IMMP2L: variants seen among roughly 807,000 people sequenced by gnomAD.
The protein encoded by IMMP2L is mitochondrial inner membrane protease subunit 2.
A neutral mutation model predicts 19.3 loss-of-function variants in IMMP2L; 18 were observed. The observed-to-expected ratio is 0.93, with a 90% CI of 0.64 to 1.38. IMMP2L has a LOEUF of 1.38. Among genes scored for constraint, IMMP2L ranks in the 40% most tolerant of loss-of-function variants. IMMP2L has a pLI of 0.00. For missense variants in IMMP2L, 233 were observed against 218.2 expected (o/e 1.07, Z -0.43); for synonymous variants, 76 against 73.0 (o/e 1.04, Z -0.21).
intron 3 of IMMP2L, among the ~76,000 whole-genome samples, chr7:111,116,762 G>A (rs1004920075): frequency 5.9e-5 from 9 of 152,062 alleles, no homozygotes; most frequent in African/African-American, 2.2e-4. Context: ...TATTATCAAA[G>A]GAAGAGAAAC....
chr7:111,352,391 T>C (rs1159976626), intron 3 of IMMP2L, among the ~76,000 whole-genome samples: 1 of 145,414 alleles, frequency 6.9e-6, no homozygotes, highest in African/African-American at 2.6e-5. Flanking sequence ...TTTTTTTTGA[T>C]AGAGATGGGG....
chr7:110,746,969 GT>G (rs1797389251), intron 5 of IMMP2L, among the ~76,000 whole-genome samples: 2 of 152,072 alleles, frequency 1.3e-5, no homozygotes, highest in Admixed American at 1.3e-4. Context: ...CCAGGAGGTA[GT>G]TTTTTGAAAA....
At chr7:110,679,189 C>T (rs1262410478) in intron 5 of IMMP2L, among the ~76,000 whole-genome samples, 1 of 152,082 alleles carries the variant, frequency 6.6e-6, no homozygotes, top group Non-Finnish European at 1.5e-5. Flanking sequence ...GTATCTCCAG[C>T]TAATTTTCAT....
chr7:111,209,631 A>G (rs112861774), intron 3 of IMMP2L, among the ~76,000 whole-genome samples: 2,502 of 152,250 alleles, frequency 0.016, 28 homozygotes, highest in South Asian at 0.044. Context: ...CTCCTATAAT[A>G]ATCAGCCTGT....
chr7:111,504,416 A>C (rs1174711500), intron 2 of IMMP2L, among the ~76,000 whole-genome samples: 2 of 151,632 alleles, frequency 1.3e-5, no homozygotes. Context: ...TTATAGATTC[A>C]ATGCCATCCC....
Position 110,702,528 on chromosome 7 carries a change from A to T in IMMP2L, c.409-38807T>A, listed in dbSNP as rs79529702. On this transcript the variant is annotated intron_variant, in intron 5 of 5. Transcript: ENST00000405709. ...AATCATGGATAACTGACATCTTAAC[A>T]ATATGGAGCTTTGCTATCCAAGAAC... Among the ~76,000 whole-genome samples the T allele has an allele frequency of 1.3e-3, 197 of 152,302 alleles. 5 individuals carry two copies. In the East Asian group the frequency reaches 0.03, roughly 23 times the overall value.
intron 3 of IMMP2L, among the ~76,000 whole-genome samples, chr7:111,249,519 C>A (rs1262512414): frequency 6.6e-6 from 1 of 152,004 alleles, no homozygotes; most frequent in African/African-American, 2.4e-5. Context: ...CGGAGCTGTT[C>A]CTATTCGGCC....
intron 1 of IMMP2L, among the ~76,000 whole-genome samples, chr7:111,555,596 T>A (rs1563353458): frequency 6.6e-6 from 1 of 152,160 alleles, no homozygotes; most frequent in Non-Finnish European, 1.5e-5. Flanking sequence ...TGATATGATT[T>A]CACTATGTAT....
At chr7:111,460,376 G>C (rs545062747) in intron 3 of IMMP2L, among the ~76,000 whole-genome samples, 32 of 152,184 alleles carry the variant, frequency 2.1e-4, no homozygotes, top group Middle Eastern at 3.4e-3. Flanking sequence ...AAAGAAAATA[G>C]AGGAAGACAA....
At chr7:111,154,884 A>C (rs1197705876) in intron 3 of IMMP2L, among the ~76,000 whole-genome samples, 1 of 151,976 alleles carries the variant, frequency 6.6e-6, no homozygotes, top group African/African-American at 2.4e-5. Context: ...CAGCCTCCCA[A>C]CTAGCTGGGA....
chr7:111,181,323 A>G (rs1187213870), intron 3 of IMMP2L, among the ~76,000 whole-genome samples: 1 of 152,046 alleles, frequency 6.6e-6, no homozygotes, highest in African/African-American at 2.4e-5. Context: ...CACGCTTCTA[A>G]TGAATAATCC....
intron 3 of IMMP2L, among the ~76,000 whole-genome samples, chr7:111,328,531 T>TA (rs1825556300): frequency 6.6e-6 from 1 of 151,838 alleles, no homozygotes; most frequent in Non-Finnish European, 1.5e-5. Flanking sequence ...ATGGCAATTA[T>TA]AAAAAGTAAG....
At chr7:111,136,392 A>G (rs1214470435) in intron 3 of IMMP2L, among the ~76,000 whole-genome samples, 1 of 152,020 alleles carries the variant, frequency 6.6e-6, no homozygotes, top group Non-Finnish European at 1.5e-5. Context: ...AGCCTGAGAT[A>G]TTTGTTTCTT....
At chr7:110,936,153 A>G (rs1009950160) in intron 4 of IMMP2L, among the ~76,000 whole-genome samples, 1 of 152,190 alleles carries the variant, frequency 6.6e-6, no homozygotes, top group African/African-American at 2.4e-5. Flanking sequence ...AGACTTCATG[A>G]CTAAAACACC....
At chr7:111,192,708 A>G (rs1329010049) in intron 3 of IMMP2L, among the ~76,000 whole-genome samples, 1 of 152,098 alleles carries the variant, frequency 6.6e-6, no homozygotes, top group Non-Finnish European at 1.5e-5. Context: ...TGGGCATCAC[A>G]TGGCAGGTTA....
chr7:110,842,143 A>G (rs1205654574), intron 5 of IMMP2L, among the ~76,000 whole-genome samples: 1 of 152,196 alleles, frequency 6.6e-6, no homozygotes. Context: ...TGGACTCAGT[A>G]GCTTCTCCAA....
At chr7:111,328,214 A>G (rs1476189393) in intron 3 of IMMP2L, among the ~76,000 whole-genome samples, 3 of 151,750 alleles carry the variant, frequency 2.0e-5, no homozygotes, top group Non-Finnish European at 4.4e-5. Flanking sequence ...AACTGTCAAT[A>G]CAGCTGGGGT....
In IMMP2L at chr7:110,963,567, T is replaced by C. The variant is rs1489278417; in HGVS notation, c.240-2A>G. 5 of 1,566,078 alleles carry C rather than the reference T, an allele frequency of 3.2e-6. No individual in the cohort carries two copies. In the South Asian group the frequency reaches 3.4e-5, roughly 11 times the overall value. The stretch of plus-strand genomic sequence containing the variant: ...TTCTGTTCTGGGTTTTTAGGAGACC[T>C]AGAACAAGAAGATAACATTATACAA... On this transcript the variant is annotated splice_acceptor_variant, in intron 3 of 5. Coordinates refer to ENST00000405709, the MANE Select transcript of IMMP2L (RefSeq NM_032549.4). LOFTEE classifies it high-confidence loss of function.
chr7:111,356,164 G>A (rs1828679140), intron 3 of IMMP2L, among the ~76,000 whole-genome samples: 1 of 151,744 alleles, frequency 6.6e-6, no homozygotes, highest in African/African-American at 2.4e-5. Flanking sequence ...TAGATTAACA[G>A]ACTCAGATTC....
Sources: gnomAD v4.1 joint callset for allele counts (sites outside exome capture counted in the v4.1 genomes callset) on GRCh38, gnomAD v4.1.1 for gene constraint, MANE v1.5 for transcripts, NCBI Gene and HGNC (gene_info 2026-07-23, HGNC 2026-07-21) for gene names.